The following NKD1 variants were observed in gnomAD, a reference collection of about 807,000 sequenced individuals.
NKD1 encodes protein naked cuticle homolog 1.
In NKD1, 21 loss-of-function variants were observed where a neutral mutation model predicts 56.0. That is an observed-to-expected ratio of 0.38 (90% confidence interval 0.27 to 0.54). The LOEUF is 0.54. Among genes scored for constraint, NKD1 ranks in the 20% least tolerant of loss-of-function variants. The probability of loss-of-function intolerance (pLI) is 0.82; values close to 1 mark genes in which losing one functional copy is unlikely to be tolerated. For synonymous variants in NKD1, 263 were observed against 265.7 expected (o/e 0.99, Z 0.10); for missense variants, 578 against 642.7 (o/e 0.90, Z 1.09).
chr16:50,648,205 C>T lies in NKD1; in HGVS notation c.*14424C>T, dbSNP rs1003948214. 1.3e-5 allele frequency: 2 copies of T among 152,968 alleles called. No individual in the cohort carries two copies. The allele number at this position is 152,968 out of a possible 1,614,324, so 9.5% of individuals were successfully genotyped here. On this transcript the variant is annotated 3_prime_UTR_variant, in exon 10 of 10. Transcript: ENST00000268459. The stretch of plus-strand genomic sequence containing the variant: ...CCATGGAAGCCACACACTCTGCTGT[C>T]TCCTTCTGTCCTCATTCCTGTCCTT...
intron 3 of NKD1, among the ~76,000 whole-genome samples, chr16:50,603,930 T>G (rs898449832): frequency 6.6e-6 from 1 of 152,178 alleles, no homozygotes; most frequent in Non-Finnish European, 1.5e-5. Flanking sequence ...TCTGGGCATG[T>G]GGCCTGAGGG....
chr16:50,573,981 A>G (rs1337429897), intron 3 of NKD1: 1 of 974,964 alleles, frequency 1.0e-6, no homozygotes, highest in African/African-American at 1.8e-5. Context: ...ATGTATGTAT[A>G]TATAATGCAT....
At position 50,577,755 on chromosome 16, in the gene NKD1, G is replaced by A. The variant is rs150711226; in HGVS notation, c.192+28200G>A. ...AGATTCCACATATAAATGAGATCAC[G>A]CAGTATTTGTCTTTGTAAGCCATTC... On this transcript the variant is annotated intron_variant, in intron 3 of 9. Coordinates refer to ENST00000268459, the MANE Select transcript of NKD1 (RefSeq NM_033119.5). 1.8e-3 allele frequency among the ~76,000 whole-genome samples: 280 copies of A among 152,222 alleles called. 3 individuals carry two copies. Among genetic ancestry groups the A allele is most frequent in the African/African-American group, 5.9e-3 (247 of 41,534 alleles).
chr16:50,556,615 C>T (rs1322341086), intron 3 of NKD1: 1 of 152,232 alleles, frequency 6.6e-6, no homozygotes, highest in Non-Finnish European at 1.5e-5. Flanking sequence ...TTGGTGTGGC[C>T]TCAGCCAAAG....
chr16:50,562,992 C>CT (rs1294361174), intron 3 of NKD1, among the ~76,000 whole-genome samples: 4 of 128,676 alleles, frequency 3.1e-5, no homozygotes, highest in Non-Finnish European at 6.5e-5. Context: ...CACCACCCCC[C>CT]CCCCCCGCCG....
At chr16:50,583,263 CCCCAAGCTG>C (rs891238161) in intron 3 of NKD1, among the ~76,000 whole-genome samples, 12 of 152,164 alleles carry the variant, frequency 7.9e-5, no homozygotes, top group African/African-American at 2.9e-4. Flanking sequence ...CTTTTGAGAG[CCCCAAGCTG>C]CCCTATGAGA....
Position 50,621,680 on chromosome 16 carries a change from C to A in NKD1, c.338C>A (p.Pro113Gln), listed in dbSNP as rs777177264. ...ATGGAGAGAGTGAGCGAACCCTGCCCAGGCTCCAAGAAGCAGCTGAAGTTT... is the reference window on the plus strand; with the variant it reads ...ATGGAGAGAGTGAGCGAACCCTGCCAAGGCTCCAAGAAGCAGCTGAAGTTT... ...KKMERVSEPC[P>Q]GSKKQLKFEE... Residue 113 changes from proline to glutamine, a missense_variant, in exon 5 of 10, where the codon CCA becomes CAA. Coordinates refer to ENST00000268459, the MANE Select transcript of NKD1 (RefSeq NM_033119.5). 2.5e-6 allele frequency: 4 copies of A among 1,613,806 alleles called. No individual in the cohort carries two copies. Among genetic ancestry groups the A allele is most frequent in the Non-Finnish European group, 3.4e-6 (4 of 1,179,908 alleles).
intron 4 of NKD1, among the ~76,000 whole-genome samples, chr16:50,616,775 G>A (rs952653062): frequency 6.6e-6 from 1 of 152,216 alleles, no homozygotes; most frequent in African/African-American, 2.4e-5. Flanking sequence ...AGCTCCGGAT[G>A]CATTCATGCA....
chr16:50,548,864 C>T (rs1435211825), intron 2 of NKD1, 115 bp downstream of exon 2: 5 of 1,183,508 alleles, frequency 4.2e-6, no homozygotes, highest in Admixed American at 4.2e-5. Context: ...GCCCCAGTTC[C>T]GGCCACCGGC....
At chr16:50,566,326 C>A in intron 3 of NKD1, 1 of 288,978 alleles carries the variant, frequency 3.5e-6, no homozygotes, top group Non-Finnish European at 5.2e-6. Flanking sequence ...TTTAGATTGG[C>A]TTCATCCTTA....
chr16:50,639,287 C>T lies in NKD1; in HGVS notation c.*5506C>T, dbSNP rs1340335646. ...CTAACTTCAGGGGCCGTAAGAATCCCCCAGGGAGCATGTGAAATGCAGATA... is the reference window on the plus strand; with the variant it reads ...CTAACTTCAGGGGCCGTAAGAATCCTCCAGGGAGCATGTGAAATGCAGATA... On this transcript the variant is annotated 3_prime_UTR_variant, in exon 10 of 10. Coordinates refer to ENST00000268459, the MANE Select transcript of NKD1 (RefSeq NM_033119.5). The T allele has an allele frequency of 6.6e-6, 1 of 152,112 alleles. No homozygotes were observed. Among genetic ancestry groups the T allele is most frequent in the Admixed American group, 6.5e-5 (1 of 15,268 alleles). 9.4% of individuals were successfully genotyped at this position (152,112 alleles called of 1,614,324 possible). A position where few individuals can be genotyped will look rare whatever the true frequency, so the allele number is the denominator to read the frequency against.
intron 3 of NKD1, among the ~76,000 whole-genome samples, chr16:50,562,983 A>G (rs929069711): frequency 1.9e-5 from 1 of 53,514 alleles, no homozygotes; most frequent in African/African-American, 1.0e-4. Context: ...AGGTCCCACC[A>G]CCACCCCCCC....
rs1045124526 is a variant in NKD1, at chr16:50,632,461, C to T, written c.823+53C>T. On this transcript the variant is annotated intron_variant, in intron 9 of 9. Transcript: ENST00000268459. This position sits in a 1 kb window ranked among gnomAD's most constrained non-coding sequence, Gnocchi z 4.1. Reference sequence around the variant, plus strand: ...GCGATGAGGGCAGGGCGTGGCTGGACGGGCCAGGCGGGCCGTGCGGGTGGT... The same window carrying T: ...GCGATGAGGGCAGGGCGTGGCTGGATGGGCCAGGCGGGCCGTGCGGGTGGT... 18 of 1,597,876 alleles carry T rather than the reference C, an allele frequency of 1.1e-5. No homozygotes were observed. Among genetic ancestry groups the T allele is most frequent in the South Asian group, 4.4e-5 (4 of 90,108 alleles).
At chr16:50,604,825 G>T (rs978432170) in intron 3 of NKD1, among the ~76,000 whole-genome samples, 8 of 152,368 alleles carry the variant, frequency 5.3e-5, no homozygotes, top group African/African-American at 1.7e-4. Flanking sequence ...CTGACATGTG[G>T]GGCTGCCAGC....
chr16:50,601,847 C>T (rs1194173694), intron 3 of NKD1, among the ~76,000 whole-genome samples: 3 of 152,092 alleles, frequency 2.0e-5, no homozygotes, highest in African/African-American at 7.2e-5. Context: ...TCTTTGGAAG[C>T]AGCATGTTGA....
intron 3 of NKD1, among the ~76,000 whole-genome samples, chr16:50,550,584 C>T (rs1296681765): frequency 6.6e-6 from 1 of 151,972 alleles, no homozygotes; most frequent in Admixed American, 6.6e-5. Flanking sequence ...AGGAGAAGCT[C>T]CCCTGTCCTC....
Position 50,642,028 on chromosome 16 carries a change from C to A in NKD1, c.*8247C>A, listed in dbSNP as rs1962588933. On this transcript the variant is annotated 3_prime_UTR_variant, in exon 10 of 10. Coordinates refer to ENST00000268459, the MANE Select transcript of NKD1 (RefSeq NM_033119.5). Reference sequence around the variant, plus strand: ...CAGTTTGCTTTTCTGTAAAGTGGACCTAATGAGGCCCGCTTGGCTTCAGCT... The same window carrying A: ...CAGTTTGCTTTTCTGTAAAGTGGACATAATGAGGCCCGCTTGGCTTCAGCT... 1 of 152,236 alleles carries A rather than the reference C, an allele frequency of 6.6e-6. No homozygotes were observed. The highest frequency in any genetic ancestry group is 2.1e-4 in the South Asian group (1 of 4,836). The allele number at this position is 152,236 out of a possible 1,614,324, so 9.4% of individuals were successfully genotyped here.
chr16:50,550,835 C>T (rs1960367969), intron 3 of NKD1, among the ~76,000 whole-genome samples: 1 of 152,244 alleles, frequency 6.6e-6, no homozygotes, highest in Non-Finnish European at 1.5e-5. Flanking sequence ...AATGCATTTA[C>T]AGCTCCAGAC....
chr16:50,633,900 A>G lies in NKD1; in HGVS notation c.*119A>G. The G allele has an allele frequency of 1.8e-6, 1 of 559,314 alleles. No homozygotes were observed. The highest frequency in any genetic ancestry group is 3.1e-6 in the Non-Finnish European group (1 of 322,400). The allele number at this position is 559,314 out of a possible 1,614,324, so 34.6% of individuals were successfully genotyped here. ...ATTATTGTTATTAATAATTATTGTT[A>G]CTCCACTAATATTTAGCTAGCCTAC... On this transcript the variant is annotated 3_prime_UTR_variant, in exon 10 of 10. Transcript: ENST00000268459. This position sits in a 1 kb window ranked among gnomAD's most constrained non-coding sequence, Gnocchi z 4.9.
Sources: allele counts gnomAD v4.1 joint callset (sites outside exome capture counted in the v4.1 genomes callset), GRCh38; gene constraint gnomAD v4.1.1; non-coding constraint Gnocchi (gnomAD v3.1); transcripts MANE v1.5; gene names NCBI Gene and HGNC (gene_info 2026-07-23, HGNC 2026-07-21).